TCF12: variants seen among roughly 807,000 people sequenced by gnomAD.
The protein encoded by TCF12 is DNA-binding protein HTF4.
A neutral mutation model predicts 86.0 loss-of-function variants in TCF12; 45 were observed. The observed-to-expected ratio is 0.52, with a 90% CI of 0.41 to 0.67. TCF12 has a LOEUF of 0.67. TCF12 is among the 30% of genes least tolerant of loss of function. The pLI is 0.00. For synonymous variants in TCF12, 330 were observed against 299.6 expected, an observed-to-expected ratio of 1.10 and a Z score of -1.05; for missense variants, 881 against 859.9, an observed-to-expected ratio of 1.02 and a Z score of -0.31.
Position 57,087,869 on chromosome 15 carries a change from T to G in TCF12, c.223-3920T>G, listed in dbSNP as rs1302327846. 2.0e-5 allele frequency among the ~76,000 whole-genome samples: 3 copies of G among 152,204 alleles called. No individual in the cohort carries two copies. In the East Asian group the frequency reaches 5.8e-4, roughly 29 times the overall value. The stretch of plus-strand genomic sequence containing the variant: ...GTGTAATAGATAATTCTGATAGTAT[T>G]GCTCTGTCCTTCATAATGTATGTCA... On this transcript the variant is annotated intron_variant, in intron 4 of 20. Coordinates refer to ENST00000333725, the MANE Select transcript of TCF12 (RefSeq NM_207037.2).
chr15:56,995,084 G>A (rs756293388), intron 3 of TCF12, among the ~76,000 whole-genome samples: 2 of 151,918 alleles, frequency 1.3e-5, no homozygotes, highest in Non-Finnish European at 2.9e-5. Context: ...AGTTAAATAT[G>A]TATGTTATAA....
At chr15:57,178,448 A>G (rs541900310) in intron 6 of TCF12, among the ~76,000 whole-genome samples, 26 of 152,308 alleles carry the variant, frequency 1.7e-4, no homozygotes, top group African/African-American at 6.3e-4. Flanking sequence ...AGAAGAGAGG[A>G]TACTTAGTTG....
chr15:57,240,548 G>A (rs1460764987), intron 12 of TCF12, among the ~76,000 whole-genome samples: 3 of 152,206 alleles, frequency 2.0e-5, no homozygotes, highest in South Asian at 2.1e-4. Context: ...ATAATTATTT[G>A]AATTATGAAC....
intron 3 of TCF12, among the ~76,000 whole-genome samples, chr15:56,989,273 G>A (rs1448710196): frequency 6.6e-6 from 1 of 152,140 alleles, no homozygotes; most frequent in African/African-American, 2.4e-5. Flanking sequence ...ATGGTTATGA[G>A]ACCCTACATT....
rs1328464898 is a variant in TCF12 at position 57,254,849 on chromosome 15, C to A, written c.1467+1381C>A. ...CTCCAGCCTAGGCCATAGAGCATGA[C>A]CCTGTCTCAAAAAAAAAAAAAAAAA... On this transcript the variant is annotated intron_variant, in intron 16 of 20. Coordinates refer to ENST00000333725, the MANE Select transcript of TCF12 (RefSeq NM_207037.2). Among the ~76,000 whole-genome samples, 16 of 116,268 alleles carry A rather than the reference C, an allele frequency of 1.4e-4. No individual in the cohort carries two copies. In the Admixed American group the frequency reaches 1.5e-3, roughly 11 times the overall value. 76.3% of individuals were successfully genotyped at this position (116,268 alleles called of 152,430 possible). A position where few individuals can be genotyped will look rare whatever the true frequency, so the allele number is the denominator to read the frequency against.
intron 4 of TCF12, among the ~76,000 whole-genome samples, chr15:57,072,951 G>A (rs1368374872): frequency 6.6e-6 from 1 of 152,194 alleles, no homozygotes; most frequent in African/African-American, 2.4e-5. Context: ...AAATTGGGTT[G>A]TGATGATGTA....
At chr15:57,112,217 G>A (rs2050540826) in intron 5 of TCF12, among the ~76,000 whole-genome samples, 1 of 152,154 alleles carries the variant, frequency 6.6e-6, no homozygotes, top group Non-Finnish European at 1.5e-5. Flanking sequence ...CTGGGGGTGG[G>A]AATATCCTCC....
At chr15:57,109,444 A>T (rs555795674) in intron 5 of TCF12, 1 of 152,330 alleles carries the variant, frequency 6.6e-6, no homozygotes, top group African/African-American at 2.4e-5. Context: ...TGTAAATAGG[A>T]TATCAATTTA....
intron 5 of TCF12, among the ~76,000 whole-genome samples, chr15:57,124,568 G>A (rs2051490576): frequency 6.6e-6 from 1 of 152,182 alleles, no homozygotes; most frequent in South Asian, 2.1e-4. Flanking sequence ...ATGAAGAAAT[G>A]CAGGCAGCCA....
chr15:57,115,053 T>G (rs747711016), intron 5 of TCF12, among the ~76,000 whole-genome samples: 4 of 152,194 alleles, frequency 2.6e-5, no homozygotes, highest in Non-Finnish European at 4.4e-5. Flanking sequence ...TGAGCTTTGG[T>G]TTAGGCTGAC....
rs144876997 is a variant in TCF12, at chr15:57,232,424, C to A, written c.819C>A (p.Asp273Glu). ...GTTATGGCAACCTTCATTCACATGA[C>A]CGCTTGGTAGGCTATAACACGTGAC... ...SSSYGNLHSH[D>E]RLSYPPHSVS... Residue 273 changes from aspartate to glutamate, a missense_variant, in exon 10 of 21, where the codon GAC (aspartate) becomes GAA (glutamate). By Grantham distance (45) the Asp-to-Glu change is conservative. Transcript: ENST00000333725. 2 of 1,605,312 alleles carry A rather than the reference C, an allele frequency of 1.2e-6. No individual in the cohort carries two copies. The highest frequency in any genetic ancestry group is 2.7e-5 in the African/African-American group (2 of 74,338).
chr15:57,056,074 T>C (rs1220454007), intron 3 of TCF12, among the ~76,000 whole-genome samples: 1 of 151,756 alleles, frequency 6.6e-6, no homozygotes, highest in Admixed American at 6.6e-5. Context: ...CTTAAGACCA[T>C]CCAGGAAATT....
At chr15:56,998,526 A>G (rs1235301807) in intron 3 of TCF12, among the ~76,000 whole-genome samples, 1 of 151,892 alleles carries the variant, frequency 6.6e-6, no homozygotes, top group African/African-American at 2.4e-5. Flanking sequence ...CATTTGTAGT[A>G]TGCTTTACCC....
At chr15:56,919,689 AGG>A in intron 1 of TCF12, 1 of 404,102 alleles carries the variant, frequency 2.5e-6, no homozygotes, top group Non-Finnish European at 4.5e-6. Context: ...GGCCGCGGCG[AGG>A]AACGCGTGGA....
intron 4 of TCF12, among the ~76,000 whole-genome samples, chr15:57,082,550 A>G (rs566044730): frequency 6.6e-6 from 1 of 152,336 alleles, no homozygotes; most frequent in South Asian, 2.1e-4. Flanking sequence ...TAGCTACACT[A>G]ACGGTTAAGT....
rs577081568 is a variant in TCF12 at position 57,194,474 on chromosome 15, G to C, written c.526+2181G>C. On this transcript the variant is annotated intron_variant, in intron 7 of 20. Transcript: ENST00000333725. ...GTGGGTTCTTACTACATTCTTTATG[G>C]CTGTTTCTCATTGTTAGCCGCTCTT... 5.9e-5 allele frequency among the ~76,000 whole-genome samples: 9 copies of C among 152,206 alleles called. No individual in the cohort carries two copies. The East Asian group carries it at 1.5e-3, about 26-fold the overall frequency.
At chr15:57,273,007 C>A (rs747423502) in intron 18 of TCF12, 23 bp from the exon 19 acceptor site, 1 of 1,606,610 alleles carries the variant, frequency 6.2e-7, no homozygotes, top group Non-Finnish European at 8.5e-7. Flanking sequence ...CCTAATAGAC[C>A]TTGTTGTTAC....
At chr15:57,170,780 T>C (rs1347393297) in intron 6 of TCF12, among the ~76,000 whole-genome samples, 4 of 2,836 alleles carry the variant, frequency 1.4e-3, no homozygotes, top group African/African-American at 1.6e-3. Flanking sequence ...TTATATATAA[T>C]ATATATATAT....
chr15:57,285,170 A>C (rs2061880504), intron 20 of TCF12, among the ~76,000 whole-genome samples: 1 of 152,236 alleles, frequency 6.6e-6, no homozygotes, highest in Non-Finnish European at 1.5e-5. Flanking sequence ...AATGGCTAAG[A>C]CATGACCACA....
Sources: allele counts gnomAD v4.1 joint callset (sites outside exome capture counted in the v4.1 genomes callset), GRCh38; gene constraint gnomAD v4.1.1; transcripts MANE v1.5; gene names NCBI Gene and HGNC (gene_info 2026-07-23, HGNC 2026-07-21).